The following FBF1 variants were observed in gnomAD, a reference collection of about 807,000 sequenced individuals.
FBF1 encodes fas-binding factor 1.
A neutral mutation model predicts 147.2 loss-of-function variants in FBF1; 119 were observed. That is an observed-to-expected ratio of 0.81 (90% CI 0.70 to 0.94). FBF1 has a LOEUF of 0.94. Ranked by LOEUF, FBF1 falls within the 40% of genes least tolerant of loss-of-function variation. The pLI is 0.00. For synonymous variants in FBF1, 601 were observed against 609.0 expected (o/e 0.99, Z 0.19); for missense variants, 1,449 against 1,500.8 (o/e 0.97, Z 0.57).
chr17:75,919,732 G>C lies in FBF1; in HGVS notation c.2074C>G (p.Arg692Gly). 1 of 1,613,082 alleles carries C rather than the reference G, an allele frequency of 6.2e-7. No individual in the cohort carries two copies. The change falls in exon 20 of 30, where the codon CGG becomes GGG. Residue 692 changes from arginine to glycine, a missense_variant. By Grantham distance (125) the Arg-to-Gly change is moderately radical. Transcript: ENST00000636174. The surrounding 1 kb of genome is among the most constrained non-coding windows in gnomAD (Gnocchi z 5.0). The stretch of plus-strand genomic sequence containing the variant: ...TCCTGCGCTATGGCCGCCAAGCGCC[G>C]CTGGTGCTGGGCCGTAAGCTCAGCA... ...ARAELTAQHQ[R>G]RLAAIAQEKD...
intron 4 of FBF1, among the ~76,000 whole-genome samples, chr17:75,934,469 G>A (rs982140284): frequency 2.0e-5 from 3 of 151,238 alleles, no homozygotes; most frequent in Non-Finnish European, 2.9e-5. Context: ...GCTGAGGCAC[G>A]AGAATCGCTT....
In FBF1 at chr17:75,910,578, A is replaced by T; in HGVS notation, c.*145T>A. On this transcript the variant is annotated 3_prime_UTR_variant, in exon 30 of 30. Coordinates refer to ENST00000636174, the MANE Select transcript of FBF1 (RefSeq NM_001319193.2). The surrounding 1 kb of genome is among the most constrained non-coding windows in gnomAD (Gnocchi z 4.1). Reference sequence around the variant, plus strand: ...GGGCTGGCACATTTGGAAAGGATGCACTTGCACCCTGTCCACGGAAGAGCT... The same window carrying T: ...GGGCTGGCACATTTGGAAAGGATGCTCTTGCACCCTGTCCACGGAAGAGCT... 2 of 696,658 alleles carry T rather than the reference A, an allele frequency of 2.9e-6. 1 individual carries two copies. Among genetic ancestry groups the T allele is most frequent in the Non-Finnish European group, 4.8e-6 (2 of 414,246 alleles). The allele number at this position is 696,658 out of a possible 1,614,324, so 43.2% of individuals were successfully genotyped here. A position where few individuals can be genotyped will look rare whatever the true frequency, so the allele number is the denominator to read the frequency against.
At position 75,920,115 on chromosome 17, in the gene FBF1, ACAG is replaced by A. The variant is rs2144165530; in HGVS notation, c.1831-11_1831-9del. On this transcript the variant is annotated splice_polypyrimidine_tract_variant and intron_variant, in intron 18 of 29. Coordinates refer to ENST00000636174, the MANE Select transcript of FBF1 (RefSeq NM_001319193.2). ...TAGCTCCAGCTTCCGCACCTGGGAG[ACAG>A]CAGGAGGGCCAGCAACCAGGGAGGG... is the stretch of plus-strand genomic sequence containing the variant. 6.3e-7 allele frequency: 1 copy of A among 1,581,868 alleles called. No individual in the cohort carries two copies. The highest frequency in any genetic ancestry group is 1.3e-5 in the African/African-American group (1 of 74,128).
chr17:75,927,152 T>C (rs2065567379), intron 9 of FBF1, among the ~76,000 whole-genome samples: 1 of 152,248 alleles, frequency 6.6e-6, no homozygotes. Context: ...CATGGCCTTC[T>C]GGAAATGTCC....
In FBF1 at chr17:75,914,279, A is replaced by T; in HGVS notation, c.2834T>A (p.Ile945Asn). 1 of 1,592,366 alleles carries T rather than the reference A, an allele frequency of 6.3e-7. No homozygotes were observed. Among genetic ancestry groups the T allele is most frequent in the Non-Finnish European group, 8.5e-7 (1 of 1,173,698 alleles). Residue 945 changes from isoleucine (I) to asparagine (N), a missense_variant, in exon 26 of 30, where the codon ATC becomes AAC. Ile to Asn is a moderately radical substitution (Grantham distance 149). Transcript: ENST00000636174. ...CTCGGCCCGGAGCTCGCTGGCCCTGATCTTCAGCTCAGCCTGCTCCTGGAG... is the reference window on the plus strand; with the variant it reads ...CTCGGCCCGGAGCTCGCTGGCCCTGTTCTTCAGCTCAGCCTGCTCCTGGAG... The part of the protein sequence containing the change: ...SLAKEQAELK[I>N]RASELRAEEK...
Position 75,913,926 on chromosome 17 carries a change from T to TGCTCCTGCTTCCGCAGCC in FBF1, c.3098_3115dup (p.Arg1033_Glu1038dup). 1 of 1,546,148 alleles carries TGCTCCTGCTTCCGCAGCC rather than the reference T, an allele frequency of 6.5e-7. No individual in the cohort carries two copies. The highest frequency in any genetic ancestry group is 8.7e-7 in the Non-Finnish European group (1 of 1,150,856). Reference sequence around the variant, plus strand: ...AGGGAGCCTTGCCTGGTGCATGTGCTGCTCCTGCTTCCGCAGCCGCTCCTG... The same window carrying TGCTCCTGCTTCCGCAGCC: ...AGGGAGCCTTGCCTGGTGCATGTGCTGCTCCTGCTTCCGCAGCCGCTCCTGCTTCCGCAGCCGCTCCTG... On this transcript the variant is annotated inframe_insertion, in exon 27 of 30. Coordinates refer to ENST00000636174, the MANE Select transcript of FBF1 (RefSeq NM_001319193.2).
intron 29 of FBF1, among the ~76,000 whole-genome samples, chr17:75,911,815 T>C (rs1280413091): frequency 6.6e-6 from 1 of 151,738 alleles, no homozygotes; most frequent in African/African-American, 2.4e-5. Flanking sequence ...TGGTCCTCTT[T>C]TTTTAGTTTT....
rs2065660554 is a variant in FBF1 at position 75,940,965 on chromosome 17, C to T, written c.-201G>A. The T allele has an allele frequency of 6.6e-6, 1 of 152,374 alleles. No homozygotes were observed. Among genetic ancestry groups the T allele is most frequent in the South Asian group, 2.1e-4 (1 of 4,830 alleles). The allele number at this position is 152,374 out of a possible 1,614,324, so 9.4% of individuals were successfully genotyped here. On this transcript the variant is annotated 5_prime_UTR_variant, in exon 1 of 30. Transcript: ENST00000636174. ...TGCGGCCGCTGGGACCAGCGCCGGC[C>T]CTGGCTCCATTCGGGTCGCCCAGCC...
rs1482287569 is a variant in FBF1 at position 75,923,308 on chromosome 17, T to C, written c.1302A>G (p.Lys434=). 1.9e-6 allele frequency: 3 copies of C among 1,595,250 alleles called. No individual in the cohort carries two copies. Among genetic ancestry groups the C allele is most frequent in the Admixed American group, 1.8e-5 (1 of 57,050 alleles). Residue 434 remains lysine (K), a synonymous_variant, in exon 14 of 30, where the codon AAA becomes AAG. Transcript: ENST00000636174. The surrounding 1 kb of genome is among the most constrained non-coding windows in gnomAD (Gnocchi z 4.1). ...ACAGGGCATGGCTCAGCCAGTCCTC[T>C]TTCTCCTCCTTGGAGGCTCGCAGCT... ...ASKLRASKEE[K]EDWLSHALSR... is the part of the protein sequence containing the mutation.
chr17:75,915,501 T>C (rs1285062329), intron 23 of FBF1, among the ~76,000 whole-genome samples: 1 of 152,172 alleles, frequency 6.6e-6, no homozygotes, highest in Non-Finnish European at 1.5e-5. Flanking sequence ...GGCTTAATGC[T>C]GTGCTGTGGG....
At chr17:75,911,180 G>T (rs1045670863) in intron 29 of FBF1, among the ~76,000 whole-genome samples, 2 of 152,052 alleles carry the variant, frequency 1.3e-5, no homozygotes, top group Middle Eastern at 3.2e-3. Flanking sequence ...TAGCTAATCC[G>T]CAGGCCAAGG....
At chr17:75,936,215 G>A (rs979260358) in intron 3 of FBF1, among the ~76,000 whole-genome samples, 49 of 151,464 alleles carry the variant, frequency 3.2e-4, no homozygotes, top group African/African-American at 1.2e-3. Context: ...TCGGGAGGCT[G>A]AGGCAGAAGA....
chr17:75,914,227 T>TG lies in FBF1; in HGVS notation c.2885dup (p.Ala963SerfsTer103). On this transcript the variant is annotated frameshift_variant, in exon 26 of 30. Coordinates refer to ENST00000636174, the MANE Select transcript of FBF1 (RefSeq NM_001319193.2). LOFTEE classifies it high-confidence loss of function. Reference sequence around the variant, plus strand: ...GCTCCTGCCGCTCCTGCTCCAGGGCTGCTCTCTCCGCTGCCAGCTGCTTCT... The same window carrying TG: ...GCTCCTGCCGCTCCTGCTCCAGGGCTGGCTCTCTCCGCTGCCAGCTGCTTCT... 1.3e-6 allele frequency: 2 copies of TG among 1,593,484 alleles called. No individual in the cohort carries two copies. Among genetic ancestry groups the TG allele is most frequent in the Non-Finnish European group, 1.7e-6 (2 of 1,172,136 alleles).
At chr17:75,920,464 G>T (rs370010567) in intron 17 of FBF1, 35 bp from the exon 18 acceptor site, 1 of 1,570,438 alleles carries the variant, frequency 6.4e-7, no homozygotes, top group Non-Finnish European at 8.6e-7. Context: ...TCTAGTTAGG[G>T]AGGGGACAGG....
At chr17:75,927,206 G>A (rs564062619) in intron 9 of FBF1, among the ~76,000 whole-genome samples, 1 of 152,340 alleles carries the variant, frequency 6.6e-6, no homozygotes, top group African/African-American at 2.4e-5. Flanking sequence ...CATTCATGAC[G>A]GGAAAGGGGC....
chr17:75,933,312 G>A (rs1344190613), intron 4 of FBF1, among the ~76,000 whole-genome samples: 1 of 152,108 alleles, frequency 6.6e-6, no homozygotes, highest in Non-Finnish European at 1.5e-5. Flanking sequence ...CAAATGAAGA[G>A]CCCAACCCAA....
rs531997513 is a variant in FBF1, at chr17:75,921,550, T to G, written c.1537A>C (p.Thr513Pro). The stretch of plus-strand genomic sequence containing the variant: ...AGTGCTGAGGCGGCATGGTTCTGAG[T>G]CACAGGGGACCTGAGGACACAGGGA... ...VRPGVSGSPV[T>P]QNHAASALPT... The change falls in exon 16 of 30, where the codon ACT becomes CCT. Residue 513 changes from threonine (T) to proline (P), a missense_variant. Coordinates refer to ENST00000636174, the MANE Select transcript of FBF1 (RefSeq NM_001319193.2). 130 of 1,606,560 alleles carry G rather than the reference T, an allele frequency of 8.1e-5. No homozygotes were observed. Among genetic ancestry groups the G allele is most frequent in the South Asian group, 6.2e-4 (56 of 90,666 alleles).
In FBF1 at chr17:75,923,153, C is replaced by T. The variant is rs764821510; in HGVS notation, c.1424+33G>A. 1.2e-5 allele frequency: 18 copies of T among 1,517,894 alleles called. No homozygotes were observed. The highest frequency in any genetic ancestry group is 9.7e-6 in the Non-Finnish European group (11 of 1,128,684). The allele number at this position is 1,517,894 out of a possible 1,614,324, so 94.0% of individuals were successfully genotyped here. On this transcript the variant is annotated intron_variant, in intron 14 of 29. Transcript: ENST00000636174. This position sits in a 1 kb window ranked among gnomAD's most constrained non-coding sequence, Gnocchi z 4.1. ...GCTCCTCAAGTCCCCAGCCAGTCCT[C>T]CCCCTACTAGCCACAGCAGCCTAAG...
intron 29 of FBF1, 123 bp downstream of exon 29, chr17:75,912,069 C>A (rs1324775597): frequency 1.1e-6 from 1 of 887,306 alleles, no homozygotes; most frequent in African/African-American, 1.7e-5. Flanking sequence ...AAGCAAACTG[C>A]AGTTTTACTC....
Sources: allele counts gnomAD v4.1 joint callset (sites outside exome capture counted in the v4.1 genomes callset), GRCh38; gene constraint gnomAD v4.1.1; non-coding constraint Gnocchi (gnomAD v3.1); transcripts MANE v1.5; gene names NCBI Gene and HGNC (gene_info 2026-07-23, HGNC 2026-07-21).